The following GDPD5 variants were observed in gnomAD, a reference collection of about 807,000 sequenced individuals.
GDPD5 encodes the protein glycerophosphodiester phosphodiesterase 2.
A neutral mutation model predicts 75.1 loss-of-function variants in GDPD5; 48 were observed. The ratio of observed to expected loss-of-function variants is 0.64; its 90% CI spans 0.51 to 0.81. GDPD5 has a LOEUF of 0.81. Among genes scored for constraint, GDPD5 ranks in the 40% least tolerant of loss-of-function variants. GDPD5 has a pLI of 0.00. For synonymous variants in GDPD5, 336 were observed against 339.0 expected (o/e 0.99, Z 0.10); for missense variants, 706 against 822.6 (o/e 0.86, Z 1.73).
rs949857919 is a variant in GDPD5 at position 75,512,442 on chromosome 11, G to T, written c.-145+12768C>A. On this transcript the variant is annotated intron_variant, in intron 1 of 16. Coordinates refer to ENST00000336898, the MANE Select transcript of GDPD5 (RefSeq NM_030792.8). ...AGTTGAACACATGCAGCAGCCCAGG[G>T]TCATCTGGCACAGGGGTCAAGCCGC... Among the ~76,000 whole-genome samples the T allele has an allele frequency of 5.3e-5, 8 of 152,224 alleles. No homozygotes were observed. The East Asian group carries it at 1.5e-3, about 29-fold the overall frequency.
At chr11:75,440,715 C>A (rs12277708) in intron 14 of GDPD5, among the ~76,000 whole-genome samples, 1,650 of 152,140 alleles carry the variant, frequency 0.011, 32 homozygotes, top group African/African-American at 0.038. Flanking sequence ...GCCACCTTGG[C>A]CAGCAAATTA....
In GDPD5 at chr11:75,509,581, T is replaced by C. The variant is rs1248038975; in HGVS notation, c.-145+15629A>G. Among the ~76,000 whole-genome samples the C allele has an allele frequency of 2.6e-5, 4 of 152,254 alleles. No homozygotes were observed. In the East Asian group the frequency reaches 5.8e-4, roughly 22 times the overall value. ...GTGGAGTAAGTCAGTTTATAATCCA[T>C]GTTCAAACTTTATCTCGTTGAACCT... On this transcript the variant is annotated intron_variant, in intron 1 of 16. Transcript: ENST00000336898.
rs757942561 is a variant in GDPD5 at position 75,435,597 on chromosome 11, A to G, written c.1728T>C (p.Tyr576=). Reference sequence around the variant, plus strand: ...TGGCGGTGCTGTTGGCATATGTGTCATAACTGTTGTCTGAACATACGGAGA... The same window carrying G: ...TGGCGGTGCTGTTGGCATATGTGTCGTAACTGTTGTCTGAACATACGGAGA... ...DVLSVCSDNS[Y]DTYANSTATP... is the part of the protein sequence containing the mutation. The change falls in exon 17 of 17, where the codon TAT becomes TAC. Residue 576 remains tyrosine, a synonymous_variant. Coordinates refer to ENST00000336898, the MANE Select transcript of GDPD5 (RefSeq NM_030792.8). The G allele has an allele frequency of 7.4e-6, 12 of 1,613,708 alleles. No homozygotes were observed. Among genetic ancestry groups the G allele is most frequent in the Non-Finnish European group, 9.3e-6 (11 of 1,179,804 alleles).
Position 75,449,670 on chromosome 11 carries a change from C to CA in GDPD5, c.475-61dup, listed in dbSNP as rs1451736499. 6 of 1,505,012 alleles carry CA rather than the reference C, an allele frequency of 4.0e-6. No homozygotes were observed. The Admixed American group carries it at 1.2e-4, about 29-fold the overall frequency. The allele number at this position is 1,505,012 out of a possible 1,614,324, so 93.2% of individuals were successfully genotyped here. A position where few individuals can be genotyped will look rare whatever the true frequency, so the allele number is the denominator to read the frequency against. On this transcript the variant is annotated intron_variant, in intron 7 of 16. Coordinates refer to ENST00000336898, the MANE Select transcript of GDPD5 (RefSeq NM_030792.8). Reference sequence around the variant, plus strand: ...GCCCAGCTCTGCCCAGACCCTGTGTCACCAGCCTCCTACTTCTACCTATGA... The same window carrying CA: ...GCCCAGCTCTGCCCAGACCCTGTGTCAACCAGCCTCCTACTTCTACCTATGA...
intron 1 of GDPD5, chr11:75,506,993 G>C (rs1743108447): frequency 2.0e-5 from 3 of 152,300 alleles, no homozygotes; most frequent in Admixed American, 6.5e-5. Context: ...CCCAGGCAGG[G>C]GAGTAGCACA....
intron 3 of GDPD5, among the ~76,000 whole-genome samples, chr11:75,466,047 A>G (rs758597537): frequency 2.0e-5 from 3 of 152,232 alleles, no homozygotes; most frequent in Non-Finnish European, 4.4e-5. Flanking sequence ...AAGGCAGGGC[A>G]GGAATGAGGG....
At chr11:75,471,539 C>T (rs1949664071) in intron 3 of GDPD5, among the ~76,000 whole-genome samples, 1 of 152,186 alleles carries the variant, frequency 6.6e-6, no homozygotes. Context: ...CCTTGGCTGG[C>T]ATCAGCCCCT....
chr11:75,464,736 C>G (rs1305050275), intron 3 of GDPD5, among the ~76,000 whole-genome samples: 1 of 152,122 alleles, frequency 6.6e-6, no homozygotes, highest in Non-Finnish European at 1.5e-5. Flanking sequence ...TTGTGTCTGC[C>G]CCAGCTGGAC....
At chr11:75,473,802 T>C (rs1949722311) in intron 3 of GDPD5, among the ~76,000 whole-genome samples, 1 of 152,140 alleles carries the variant, frequency 6.6e-6, no homozygotes, top group African/African-American at 2.4e-5. Flanking sequence ...ACTTCCCTGG[T>C]CTGTGGAGAT....
chr11:75,505,826 G>T (rs1950385204), intron 1 of GDPD5, among the ~76,000 whole-genome samples: 1 of 152,146 alleles, frequency 6.6e-6, no homozygotes, highest in Non-Finnish European at 1.5e-5. Flanking sequence ...CCTATTCCAT[G>T]CTGCCAAAAG....
chr11:75,453,621 A>AG (rs1176713371), intron 6 of GDPD5, among the ~76,000 whole-genome samples: 1 of 151,978 alleles, frequency 6.6e-6, no homozygotes, highest in Non-Finnish European at 1.5e-5. Context: ...GTCTCTAAAA[A>AG]AAAAAAAAAA....
At chr11:75,508,789 A>AG (rs1950456002) in intron 1 of GDPD5, 1 of 152,420 alleles carries the variant, frequency 6.6e-6, no homozygotes, top group South Asian at 2.1e-4. Context: ...ACATAGGGCC[A>AG]GGACCATCTG....
At chr11:75,452,548 C>A (rs1229956494) in intron 6 of GDPD5, among the ~76,000 whole-genome samples, 1 of 152,214 alleles carries the variant, frequency 6.6e-6, no homozygotes, top group African/African-American at 2.4e-5. Flanking sequence ...ATGTGGTCAG[C>A]ACCCAATAAA....
At chr11:75,444,329 C>A in intron 10 of GDPD5, 84 bp downstream of exon 10, 1 of 990,940 alleles carries the variant, frequency 1.0e-6, no homozygotes, top group Admixed American at 1.7e-5. Context: ...GCTCTGAGAC[C>A]AGAGGTTCCC....
At chr11:75,507,750 G>A (rs1483419433) in intron 1 of GDPD5, among the ~76,000 whole-genome samples, 1 of 152,178 alleles carries the variant, frequency 6.6e-6, no homozygotes, top group Non-Finnish European at 1.5e-5. Context: ...CAGATGCTGG[G>A]GACACTCACA....
intron 1 of GDPD5, among the ~76,000 whole-genome samples, chr11:75,513,306 A>G (rs1297691784): frequency 6.6e-6 from 1 of 152,194 alleles, no homozygotes; most frequent in Non-Finnish European, 1.5e-5. Flanking sequence ...TGTTCTCTTA[A>G]GGCACACAGC....
At chr11:75,461,259 G>A (rs565128133) in intron 4 of GDPD5, among the ~76,000 whole-genome samples, 4 of 152,232 alleles carry the variant, frequency 2.6e-5, no homozygotes, top group African/African-American at 7.2e-5. Flanking sequence ...AGTAGGGAAC[G>A]TTCCCATTTA....
intron 5 of GDPD5, 117 bp downstream of exon 5, chr11:75,457,576 C>T (rs1181262788): frequency 1.5e-6 from 1 of 684,374 alleles, no homozygotes; most frequent in South Asian, 2.0e-5. Flanking sequence ...TACAATATTC[C>T]TACAAATACA....
chr11:75,445,388 C>T (rs1948959953), intron 9 of GDPD5, among the ~76,000 whole-genome samples: 1 of 152,116 alleles, frequency 6.6e-6, no homozygotes, highest in African/African-American at 2.4e-5. Context: ...TCTCAGTTTC[C>T]CCATGTGCCC....
Sources: allele counts gnomAD v4.1 joint callset (sites outside exome capture counted in the v4.1 genomes callset), GRCh38; gene constraint gnomAD v4.1.1; transcripts MANE v1.5; gene names NCBI Gene and HGNC (gene_info 2026-07-23, HGNC 2026-07-21).